Variants in SLC25A13 observed in about 807,000 individuals in gnomAD.
The protein encoded by SLC25A13 is solute carrier family 25 member 13, also known as electrogenic aspartate/glutamate antiporter SLC25A13, mitochondrial.
A neutral mutation model predicts 85.5 loss-of-function variants in SLC25A13; 70 were observed. That is an observed-to-expected ratio of 0.82 (90% CI 0.68 to 1.00). The LOEUF is 1.00. Ranked by LOEUF, SLC25A13 falls within the 50% of genes least tolerant of loss-of-function variation. The pLI, the probability that SLC25A13 is intolerant of heterozygous loss-of-function variation, is 0.00. For missense variants in SLC25A13, 765 were observed against 819.8 expected (o/e 0.93, Z 0.82); for synonymous variants, 259 against 288.7 (o/e 0.90, Z 1.04).
intron 6 of SLC25A13, 53 bp downstream of exon 6, chr7:96,192,984 T>C: frequency 6.3e-7 from 1 of 1,582,388 alleles, no homozygotes; most frequent in Non-Finnish European, 8.7e-7. Flanking sequence ...ATTGTTTTTA[T>C]AATTCCTTAT....
At chr7:96,175,438 CTG>C (rs1226375491) in intron 11 of SLC25A13, among the ~76,000 whole-genome samples, 1 of 152,244 alleles carries the variant, frequency 6.6e-6, no homozygotes, top group East Asian at 1.9e-4. Flanking sequence ...TACTACAGTA[CTG>C]TGTGTTTTAT....
At chr7:96,283,452 A>C (rs1798762566) in intron 2 of SLC25A13, 13 of 432,554 alleles carry the variant, frequency 3.0e-5, no homozygotes, top group South Asian at 2.5e-4. Flanking sequence ...CATATATGCA[A>C]ATCTATAAGA....
At chr7:96,316,351 A>G (rs1408492588) in intron 1 of SLC25A13, among the ~76,000 whole-genome samples, 2 of 152,208 alleles carry the variant, frequency 1.3e-5, no homozygotes, top group African/African-American at 2.4e-5. Context: ...TGGAGAGATG[A>G]GAAATACACT....
Position 96,121,916 on chromosome 7 carries a change from G to A in SLC25A13, c.1673C>T (p.Thr558Ile), listed in dbSNP as rs777999410. Residue 558 changes from threonine to isoleucine, a missense_variant, in exon 16 of 18, where the codon ACT becomes ATT. Coordinates refer to ENST00000265631, the MANE Select transcript of SLC25A13 (RefSeq NM_014251.3). ...AAAGCAGTCTATCACTCCGCTGTAA[G>A]TGGTTTGGCCAGCCCGGGCAGCCAC... ...LQVAARAGQT[T>I]YSGVIDCFRK... 1 of 1,614,114 alleles carries A rather than the reference G, an allele frequency of 6.2e-7. No individual in the cohort carries two copies. Among genetic ancestry groups the A allele is most frequent in the South Asian group, 1.1e-5 (1 of 91,076 alleles).
At chr7:96,282,094 T>TC (rs1798703572) in intron 2 of SLC25A13, among the ~76,000 whole-genome samples, 1 of 152,168 alleles carries the variant, frequency 6.6e-6, no homozygotes, top group South Asian at 2.1e-4. Context: ...GCTGAAGCCT[T>TC]CCTCCCTTGC....
intron 13 of SLC25A13, among the ~76,000 whole-genome samples, chr7:96,156,251 T>TA (rs1358551908): frequency 6.6e-6 from 1 of 152,234 alleles, no homozygotes; most frequent in African/African-American, 2.4e-5. Flanking sequence ...AAAGCCAGGC[T>TA]ACTTGGCAGT....
chr7:96,218,286 T>C (rs1388687833), intron 4 of SLC25A13, among the ~76,000 whole-genome samples: 2 of 152,184 alleles, frequency 1.3e-5, no homozygotes, highest in Admixed American at 6.5e-5. Flanking sequence ...AAATTTTGAA[T>C]GAAAAGTGAT....
intron 14 of SLC25A13, among the ~76,000 whole-genome samples, chr7:96,146,163 T>C (rs1792779018): frequency 6.6e-6 from 1 of 152,160 alleles, no homozygotes; most frequent in Non-Finnish European, 1.5e-5. Context: ...AAGGCATACA[T>C]ATATAGAGAA....
intron 2 of SLC25A13, among the ~76,000 whole-genome samples, chr7:96,290,183 T>A (rs1026061645): frequency 2.0e-5 from 3 of 152,128 alleles, no homozygotes; most frequent in Non-Finnish European, 4.4e-5. Flanking sequence ...CTAAGCTTCA[T>A]AAGTGAAGGA....
chr7:96,198,144 G>C (rs941563343), intron 5 of SLC25A13, among the ~76,000 whole-genome samples: 1 of 152,194 alleles, frequency 6.6e-6, no homozygotes, highest in African/African-American at 2.4e-5. Context: ...GGCATGGGTA[G>C]AGCGTAAACA....
chr7:96,205,310 T>C (rs1032902426), intron 5 of SLC25A13, among the ~76,000 whole-genome samples: 1 of 152,258 alleles, frequency 6.6e-6, no homozygotes, highest in Non-Finnish European at 1.5e-5. Context: ...ATTTTAAAAC[T>C]AGCGGCTATA....
intron 1 of SLC25A13, among the ~76,000 whole-genome samples, chr7:96,307,609 G>A (rs1260533848): frequency 6.6e-6 from 1 of 151,610 alleles, no homozygotes; most frequent in Non-Finnish European, 1.5e-5. Flanking sequence ...GAGGAAAGAG[G>A]GCATGGCATA....
intron 3 of SLC25A13, 52 bp from the exon 4 acceptor site, chr7:96,234,969 A>C (rs1376722875): frequency 1.5e-5 from 20 of 1,353,988 alleles, no homozygotes; most frequent in Non-Finnish European, 2.0e-5. Flanking sequence ...TGGAAAACAG[A>C]AGCATATACA....
chr7:96,215,836 T>G (rs1795878637), intron 4 of SLC25A13, among the ~76,000 whole-genome samples: 1 of 152,142 alleles, frequency 6.6e-6, no homozygotes, highest in African/African-American at 2.4e-5. Context: ...ATTTAAAACT[T>G]TATACTCCAA....
chr7:96,132,003 A>G, intron 14 of SLC25A13, 122 bp from the exon 15 acceptor site: 5 of 1,239,446 alleles, frequency 4.0e-6, no homozygotes, highest in Non-Finnish European at 5.8e-6. Flanking sequence ...GTACTCACAC[A>G]TTGAAAGGGG....
At position 96,164,711 on chromosome 7, in the gene SLC25A13, T is replaced by TACACACACACACACACACACACAC. The variant is rs56377235; in HGVS notation, c.1311+5310_1311+5333dup. Among the ~76,000 whole-genome samples the TACACACACACACACACACACACAC allele has an allele frequency of 2.2e-3, 322 of 143,136 alleles. 1 individual carries two copies. The highest frequency in any genetic ancestry group is 5.8e-3 in the African/African-American group (223 of 38,652). The allele number at this position is 143,136 out of a possible 152,430, so 93.9% of individuals were successfully genotyped here. A position where few individuals can be genotyped will look rare whatever the true frequency, so the allele number is the denominator to read the frequency against. The stretch of plus-strand genomic sequence containing the variant: ...CTATGATTTTCAAAAGGATTAACTT[T>TACACACACACACACACACACACAC]ACACACACACACACACACACACACA... On this transcript the variant is annotated intron_variant, in intron 13 of 17. Transcript: ENST00000265631.
At chr7:96,298,908 A>G (rs1338533022) in intron 1 of SLC25A13, among the ~76,000 whole-genome samples, 1 of 91,510 alleles carries the variant, frequency 1.1e-5, no homozygotes, top group Non-Finnish European at 2.7e-5. Flanking sequence ...GGTAGGACGA[A>G]CACAAGAGAA....
intron 14 of SLC25A13, among the ~76,000 whole-genome samples, chr7:96,140,019 C>T (rs1219846429): frequency 2.2e-4 from 27 of 125,322 alleles, no homozygotes; most frequent in Middle Eastern, 5.6e-3. Context: ...AGTGCAGTGG[C>T]GGGATCTCGG....
At chr7:96,131,662 A>G (rs1203808305) in intron 15 of SLC25A13, 81 bp downstream of exon 15, 3 of 1,598,908 alleles carry the variant, frequency 1.9e-6, no homozygotes, top group Non-Finnish European at 2.6e-6. Flanking sequence ...CAGCAAAAAA[A>G]TTTCAATGTA....
Sources: gnomAD v4.1 joint callset for allele counts (sites outside exome capture counted in the v4.1 genomes callset) on GRCh38, gnomAD v4.1.1 for gene constraint, MANE v1.5 for transcripts, NCBI Gene and HGNC (gene_info 2026-07-23, HGNC 2026-07-21) for gene names.